The following GPC5 variants were observed in gnomAD, a reference collection of about 807,000 sequenced individuals.
The protein encoded by GPC5 is glypican 5.
Under a neutral mutation model 53.9 loss-of-function variants are expected in GPC5, and 47 were observed. That is an observed-to-expected ratio of 0.87 (90% CI 0.69 to 1.11). The LOEUF is 1.11. Among genes scored for constraint, GPC5 ranks in the 50% most tolerant of loss-of-function variants. The pLI, the probability that GPC5 is intolerant of heterozygous loss-of-function variation, is 0.00. For missense variants in GPC5, 748 were observed against 713.1 expected (o/e 1.05, Z -0.56); for synonymous variants, 286 against 263.3 (o/e 1.09, Z -0.84).
chr13:91,650,750 G>GTTTTTTTTTTTTTTTTTTTTT lies in GPC5; in HGVS notation c.326-42435_326-42415dup, dbSNP rs67507888. ...CATCTGTGAAACAAAATTCCCATAA[G>GTTTTTTTTTTTTTTTTTTTTT]TTTTTTTTTTTTTTTTTTTTTTAGC... On this transcript the variant is annotated intron_variant, in intron 2 of 7. Coordinates refer to ENST00000377067, the MANE Select transcript of GPC5 (RefSeq NM_004466.6). Among the ~76,000 whole-genome samples the GTTTTTTTTTTTTTTTTTTTTT allele has an allele frequency of 1.9e-3, 194 of 99,566 alleles. 8 individuals are homozygous for GTTTTTTTTTTTTTTTTTTTTT. Among genetic ancestry groups the GTTTTTTTTTTTTTTTTTTTTT allele is most frequent in the South Asian group, 4.2e-3 (11 of 2,594 alleles). The allele number at this position is 99,566 out of a possible 152,430, so 65.3% of individuals were successfully genotyped here.
intron 7 of GPC5, among the ~76,000 whole-genome samples, chr13:92,456,626 G>A (rs1277159155): frequency 1.3e-5 from 2 of 152,136 alleles, no homozygotes; most frequent in Non-Finnish European, 2.9e-5. Context: ...ACCCTTGTGA[G>A]CGTGGGTCTC....
rs547812509 is a variant in GPC5, at chr13:92,495,543, G to C, written c.1561+350554G>C. Among the ~76,000 whole-genome samples the C allele has an allele frequency of 3.6e-3, 546 of 152,086 alleles. 3 individuals are homozygous for C. Among genetic ancestry groups the C allele is most frequent in the African/African-American group, 0.012 (502 of 41,470 alleles). On this transcript the variant is annotated intron_variant, in intron 7 of 7. Coordinates refer to ENST00000377067, the MANE Select transcript of GPC5 (RefSeq NM_004466.6). ...ACTTTAATTTGATTCCTCAGACTGG[G>C]GAGTTCAGATGTAGGGGTGATGTAA...
chr13:92,715,836 G>T (rs1888310651), intron 7 of GPC5, among the ~76,000 whole-genome samples: 1 of 152,102 alleles, frequency 6.6e-6, no homozygotes, highest in Non-Finnish European at 1.5e-5. Context: ...CAACAAACAT[G>T]TTTTCTGTCT....
At chr13:91,839,132 A>C (rs1408977438) in intron 5 of GPC5, among the ~76,000 whole-genome samples, 4 of 152,214 alleles carry the variant, frequency 2.6e-5, no homozygotes, top group Admixed American at 6.5e-5. Context: ...AATATTCAAT[A>C]ATATGCTTTT....
intron 6 of GPC5, among the ~76,000 whole-genome samples, chr13:92,052,317 T>G (rs1257382113): frequency 6.6e-6 from 1 of 152,172 alleles, no homozygotes; most frequent in African/African-American, 2.4e-5. Context: ...AATGAAGCCA[T>G]GGACCTTCGC....
chr13:91,427,816 GGAA>G (rs1451698183), intron 1 of GPC5, among the ~76,000 whole-genome samples: 2 of 152,136 alleles, frequency 1.3e-5, no homozygotes, highest in African/African-American at 4.8e-5. Context: ...AGACCTGGGG[GGAA>G]GTGATTAGGT....
intron 6 of GPC5, among the ~76,000 whole-genome samples, chr13:91,981,773 T>G (rs2040362029): frequency 6.6e-6 from 1 of 152,214 alleles, no homozygotes; most frequent in Admixed American, 6.5e-5. Context: ...TAATAATTCA[T>G]AGTTGGGACA....
intron 7 of GPC5, among the ~76,000 whole-genome samples, chr13:92,249,397 A>C (rs1351908287): frequency 6.6e-6 from 1 of 152,112 alleles, no homozygotes; most frequent in East Asian, 1.9e-4. Flanking sequence ...TGAGTAACAG[A>C]GTGGTACCTG....
chr13:91,650,750 G>GTTTTGTTTTTTTTTT lies in GPC5; in HGVS notation c.326-42433_326-42432insGTTTTTTTTTTTTTT, dbSNP rs1555333961. 4.0e-3 allele frequency among the ~76,000 whole-genome samples: 400 copies of GTTTTGTTTTTTTTTT among 99,568 alleles called. 11 individuals carry two copies. The highest frequency in any genetic ancestry group is 0.015 in the African/African-American group (378 of 24,638). The allele number at this position is 99,568 out of a possible 152,430, so 65.3% of individuals were successfully genotyped here. A position where few individuals can be genotyped will look rare whatever the true frequency, so the allele number is the denominator to read the frequency against. ...CATCTGTGAAACAAAATTCCCATAA[G>GTTTTGTTTTTTTTTT]TTTTTTTTTTTTTTTTTTTTTTAGC... is the stretch of plus-strand genomic sequence containing the variant. On this transcript the variant is annotated intron_variant, in intron 2 of 7. Transcript: ENST00000377067.
chr13:92,385,555 T>TATATACATATACGCATATATAATATATAC (rs1566567870), intron 7 of GPC5, among the ~76,000 whole-genome samples: 11 of 46,380 alleles, frequency 2.4e-4, no homozygotes, highest in South Asian at 8.8e-4. Flanking sequence ...TATACATATA[T>TATATACATATACGCATATATAATATATAC]GCATATATAC....
chr13:92,676,284 T>G (rs1033807375), intron 7 of GPC5, among the ~76,000 whole-genome samples: 1 of 152,154 alleles, frequency 6.6e-6, no homozygotes, highest in Non-Finnish European at 1.5e-5. Flanking sequence ...TGAAGGTCAT[T>G]TGTAAGCCTG....
At chr13:91,793,899 C>T (rs2038007730) in intron 5 of GPC5, among the ~76,000 whole-genome samples, 1 of 152,080 alleles carries the variant, frequency 6.6e-6, no homozygotes, top group African/African-American at 2.4e-5. Context: ...CACCTGGTAC[C>T]TCCCTCAACA....
intron 7 of GPC5, among the ~76,000 whole-genome samples, chr13:92,642,520 C>CA (rs1200802339): frequency 6.6e-6 from 1 of 152,206 alleles, no homozygotes; most frequent in Non-Finnish European, 1.5e-5. Context: ...CCTGCTCCCT[C>CA]AACCAGATAG....
At chr13:92,526,438 C>T in intron 7 of GPC5, among the ~76,000 whole-genome samples, 1 of 152,064 alleles carries the variant, frequency 6.6e-6, no homozygotes, top group South Asian at 2.1e-4. Context: ...GAAATAAGTC[C>T]AGTGTGGGTG....
intron 5 of GPC5, among the ~76,000 whole-genome samples, chr13:91,845,322 T>C (rs914102716): frequency 6.6e-6 from 1 of 152,170 alleles, no homozygotes; most frequent in Non-Finnish European, 1.5e-5. Flanking sequence ...AATCGTTTAG[T>C]CTTTTTTCAG....
chr13:92,255,971 A>G (rs999966702), intron 7 of GPC5, among the ~76,000 whole-genome samples: 4 of 152,108 alleles, frequency 2.6e-5, no homozygotes, highest in African/African-American at 7.2e-5. Flanking sequence ...AATAATTTAG[A>G]ATGAAAATAA....
chr13:91,642,636 G>A (rs1218440031), intron 2 of GPC5, among the ~76,000 whole-genome samples: 1 of 151,786 alleles, frequency 6.6e-6, no homozygotes, highest in African/African-American at 2.4e-5. Context: ...AATAATGGAA[G>A]TGAAAACCAG....
chr13:92,033,398 G>A (rs545437795), intron 6 of GPC5, among the ~76,000 whole-genome samples: 2 of 152,234 alleles, frequency 1.3e-5, no homozygotes, highest in South Asian at 4.1e-4. Context: ...TACCTGATCT[G>A]TCACAAAGTA....
intron 7 of GPC5, among the ~76,000 whole-genome samples, chr13:92,835,864 G>T (rs550603025): frequency 4.3e-4 from 65 of 152,034 alleles, no homozygotes; most frequent in African/African-American, 1.4e-3. Context: ...TGTGTATCTT[G>T]TGTATGTTAC....
Sources: allele counts gnomAD v4.1 joint callset (sites outside exome capture counted in the v4.1 genomes callset), GRCh38; gene constraint gnomAD v4.1.1; transcripts MANE v1.5; gene names NCBI Gene and HGNC (gene_info 2026-07-23, HGNC 2026-07-21).